The following APOBEC1 variants were observed in gnomAD, a reference collection of about 807,000 sequenced individuals.
APOBEC1 encodes the protein apolipoprotein B mRNA editing enzyme catalytic subunit 1.
APOBEC1 carries 22 observed loss-of-function variants against 26.3 expected under a neutral mutation model. The observed-to-expected ratio is 0.84, with a 90% CI of 0.60 to 1.19. The LOEUF is 1.19. Ranked by LOEUF, APOBEC1 falls within the 50% of genes most tolerant of loss-of-function variation. The pLI, the probability that APOBEC1 is intolerant of heterozygous loss-of-function variation, is 0.00. For synonymous variants in APOBEC1, 77 were observed against 95.3 expected (o/e 0.81, Z 1.12); for missense variants, 253 against 289.0 (o/e 0.88, Z 0.90).
intron 1 of APOBEC1, 92 bp from the exon 2 acceptor site, chr12:7,654,724 A>C: frequency 8.4e-7 from 1 of 1,190,908 alleles, no homozygotes; most frequent in Non-Finnish European, 1.2e-6. Context: ...CCTCCAAATC[A>C]TCTCAGAAAA....
chr12:7,651,865 G>C lies in APOBEC1; in HGVS notation c.442+573C>G, dbSNP rs1370448834. Among the ~76,000 whole-genome samples the C allele has an allele frequency of 2.0e-5, 3 of 151,638 alleles. No individual in the cohort carries two copies. The East Asian group carries it at 5.9e-4, about 30-fold the overall frequency. On this transcript the variant is annotated intron_variant, in intron 3 of 4. Transcript: ENST00000229304. ...AGACGGAGTCTCGCTCTGTCGCCCA[G>C]GCTGGAGTGCAGTGGCGCGATCTCG...
chr12:7,664,802 G>C (rs1175906808), intron 1 of APOBEC1, among the ~76,000 whole-genome samples: 1 of 151,818 alleles, frequency 6.6e-6, no homozygotes. Flanking sequence ...AGCTACCCAG[G>C]AAGGTGAGGC....
intron 4 of APOBEC1, 70 bp downstream of exon 4, chr12:7,650,948 AAATTT>A: frequency 9.1e-7 from 1 of 1,094,538 alleles, no homozygotes; most frequent in Non-Finnish European, 1.4e-6. Flanking sequence ...GATATGAGTC[AAATTT>A]TCTCAGGAAA....
Position 7,649,715 on chromosome 12 carries a change from A to G in APOBEC1, c.562-19T>C, listed in dbSNP as rs1261518908. 12 of 1,556,368 alleles carry G rather than the reference A, an allele frequency of 7.7e-6. No homozygotes were observed. Among genetic ancestry groups the G allele is most frequent in the African/African-American group, 1.4e-5 (1 of 73,432 alleles). ...GAAGACTCTGGAATAAAAAAGGATTATATTTAATCCTTAGGATGAATATTT... is the reference window on the plus strand; with the variant it reads ...GAAGACTCTGGAATAAAAAAGGATTGTATTTAATCCTTAGGATGAATATTT... On this transcript the variant is annotated intron_variant, in intron 4 of 4. Transcript: ENST00000229304.
chr12:7,653,476 T>A (rs1863674722), intron 2 of APOBEC1, among the ~76,000 whole-genome samples: 1 of 147,260 alleles, frequency 6.8e-6, no homozygotes, highest in Non-Finnish European at 1.5e-5. Context: ...TTTTCCTTCA[T>A]TATATTCTAA....
At chr12:7,654,019 A>G (rs1863681469) in intron 2 of APOBEC1, among the ~76,000 whole-genome samples, 1 of 152,216 alleles carries the variant, frequency 6.6e-6, no homozygotes, top group African/African-American at 2.4e-5. Context: ...ACATAGATCA[A>G]TCCTTCCACC....
At chr12:7,663,836 C>A (rs1413080100) in intron 1 of APOBEC1, among the ~76,000 whole-genome samples, 1 of 151,704 alleles carries the variant, frequency 6.6e-6, no homozygotes, top group East Asian at 1.9e-4. Flanking sequence ...GTCTTTCCCC[C>A]AGTATGCCAC....
chr12:7,668,111 A>T (rs1024161816), upstream of APOBEC1, among the ~76,000 whole-genome samples: 2 of 152,100 alleles, frequency 1.3e-5, no homozygotes, highest in Non-Finnish European at 2.9e-5. Flanking sequence ...AGAGGGAGGT[A>T]GAAGAGTCAG....
intron 1 of APOBEC1, among the ~76,000 whole-genome samples, chr12:7,654,973 C>T (rs948822655): frequency 2.6e-5 from 4 of 152,122 alleles, no homozygotes; most frequent in Admixed American, 2.6e-4. Context: ...CTTTGGGAGA[C>T]CGAGGCAGGT....
intron 2 of APOBEC1, among the ~76,000 whole-genome samples, chr12:7,653,530 C>T (rs1863676222): frequency 2.9e-5 from 4 of 137,776 alleles, no homozygotes; most frequent in Admixed American, 7.8e-5. Context: ...TCTCTCTAAG[C>T]TGGCCAGCCT....
chr12:7,652,438 C>T lies in APOBEC1; in HGVS notation c.442G>A (p.Glu148Lys), dbSNP rs1273460786. ...AAGTTTCTTTGTTTACTGTTTTTAC[C>T]TGATGCTCTCATAATCTGAATAGTT... ...GVTIQIMRAS[E>K]YYHCWRNFVN... Residue 148 changes from glutamate (E) to lysine (K), a missense_variant and splice_region_variant, in exon 3 of 5, where the codon GAG becomes AAG. Coordinates refer to ENST00000229304, the MANE Select transcript of APOBEC1 (RefSeq NM_001644.5). The T allele has an allele frequency of 1.2e-6, 2 of 1,605,652 alleles. No homozygotes were observed. The highest frequency in any genetic ancestry group is 4.5e-5 in the East Asian group (2 of 44,778).
upstream of APOBEC1, among the ~76,000 whole-genome samples, chr12:7,670,574 G>A (rs1369923451): frequency 1.4e-5 from 2 of 139,024 alleles, 1 homozygote; most frequent in African/African-American, 5.5e-5. Flanking sequence ...GACCAACATG[G>A]AGAAACCCCA....
chr12:7,660,395 A>AGAAAGAAAGACAGAAAGAAAGAAG (rs1863797834), intron 1 of APOBEC1, among the ~76,000 whole-genome samples: 1 of 49,408 alleles, frequency 2.0e-5, no homozygotes, highest in Non-Finnish European at 6.6e-5. Flanking sequence ...AAAGAAAGAA[A>AGAAAGAAAGACAGAAAGAAAGAAG]GAAAGAAAGA....
chr12:7,652,477 C>G lies in APOBEC1; in HGVS notation c.403G>C (p.Val135Leu). The change falls in exon 3 of 5, where the codon GTT (valine) becomes CTT (leucine). Residue 135 changes from valine (V) to leucine (L), a missense_variant. By Grantham distance (32) the Val-to-Leu change is conservative (BLOSUM62 1). Transcript: ENST00000229304. ...ATCTGAATAGTTACTCCACTGTTAA[C>G]AAGGTCCCTGAGACCTTGCCGATTT... is the stretch of plus-strand genomic sequence containing the variant. ...QQNRQGLRDL[V>L]NSGVTIQIMR... The G allele has an allele frequency of 6.2e-7, 1 of 1,613,924 alleles. No individual in the cohort carries two copies. Among genetic ancestry groups the G allele is most frequent in the East Asian group, 2.2e-5 (1 of 44,886 alleles).
intron 1 of APOBEC1, among the ~76,000 whole-genome samples, chr12:7,655,068 G>T (rs1386646957): frequency 6.6e-6 from 1 of 152,084 alleles, no homozygotes; most frequent in Admixed American, 6.5e-5. Flanking sequence ...AATTAGCCAG[G>T]TGTGATTGCG....
intron 1 of APOBEC1, among the ~76,000 whole-genome samples, chr12:7,663,133 T>C (rs766617306): frequency 9.9e-5 from 15 of 152,276 alleles, no homozygotes; most frequent in Non-Finnish European, 2.1e-4. Flanking sequence ...AAACCTTAAC[T>C]CGCAGGTGCT....
At chr12:7,659,125 T>C (rs1863759319) in intron 1 of APOBEC1, among the ~76,000 whole-genome samples, 1 of 148,342 alleles carries the variant, frequency 6.7e-6, no homozygotes, top group Non-Finnish European at 1.5e-5. Flanking sequence ...AGAAACCCTG[T>C]CTCTACTAAA....
At chr12:7,661,798 C>T (rs1300426687) in intron 1 of APOBEC1, among the ~76,000 whole-genome samples, 1 of 152,148 alleles carries the variant, frequency 6.6e-6, no homozygotes, top group Non-Finnish European at 1.5e-5. Context: ...AAAAAAGCAA[C>T]AATTGCTGCT....
Position 7,652,642 on chromosome 12 carries a change from T to C in APOBEC1, c.238A>G (p.Met80Val). The C allele has an allele frequency of 6.2e-7, 1 of 1,614,144 alleles. No homozygotes were observed. Among genetic ancestry groups the C allele is most frequent in the Non-Finnish European group, 8.5e-7 (1 of 1,179,994 alleles). The change falls in exon 3 of 5, where the codon ATG (methionine) becomes GTG (valine). Residue 80 changes from methionine to valine, a missense_variant. Transcript: ENST00000229304. Reference sequence around the variant, plus strand: ...AAGAACCAGGTGATGGAGCAGCTCATGGATGGGTGAAAATCTCTTTCTGAC... The same window carrying C: ...AAGAACCAGGTGATGGAGCAGCTCACGGATGGGTGAAAATCTCTTTCTGAC... ...FTSERDFHPS[M>V]SCSITWFLSW...
Sources: gnomAD v4.1 joint callset for allele counts (sites outside exome capture counted in the v4.1 genomes callset) on GRCh38, gnomAD v4.1.1 for gene constraint, MANE v1.5 for transcripts, NCBI Gene and HGNC (gene_info 2026-07-23, HGNC 2026-07-21) for gene names.